The following TRPV1 variants were observed in gnomAD, a reference collection of about 807,000 sequenced individuals.
TRPV1 encodes the protein transient receptor potential cation channel subfamily V member 1, also known as OTRPC1.
In TRPV1, 82 loss-of-function variants were observed where a neutral mutation model predicts 82.3. The observed-to-expected ratio is 1.00, with a 90% confidence interval of 0.83 to 1.20. TRPV1 has a LOEUF of 1.20. TRPV1 is among the 50% of genes most tolerant of loss of function. The probability of loss-of-function intolerance (pLI) is 0.00; values close to 1 mark genes in which losing one functional copy is unlikely to be tolerated. For missense variants in TRPV1, 1,067 were observed against 1,096.8 expected, an observed-to-expected ratio of 0.97 and a Z score of 0.38; for synonymous variants, 515 against 467.7, an observed-to-expected ratio of 1.10 and a Z score of -1.30.
chr17:3,568,362 A>T (rs919152482), intron 16 of TRPV1, among the ~76,000 whole-genome samples: 9 of 152,040 alleles, frequency 5.9e-5, no homozygotes, highest in South Asian at 2.1e-4. Context: ...AACTACTCAA[A>T]TCACACGCAA....
At chr17:3,593,124 G>GTGTGTGTGTC (rs2075182860) in intron 2 of TRPV1, among the ~76,000 whole-genome samples, 1 of 89,592 alleles carries the variant, frequency 1.1e-5, no homozygotes, top group African/African-American at 1.0e-4. Context: ...GTGTGTGTGT[G>GTGTGTGTGTC]TGTGTGTGTG....
At chr17:3,577,321 C>G in intron 12 of TRPV1, 129 bp from the exon 13 acceptor site, 1 of 1,052,634 alleles carries the variant, frequency 9.5e-7, no homozygotes, top group Non-Finnish European at 1.4e-6. Context: ...TGGTTCTCAG[C>G]TCAGGGGTCA....
intron 10 of TRPV1, among the ~76,000 whole-genome samples, chr17:3,582,003 A>G (rs1373851884): frequency 6.8e-6 from 1 of 147,352 alleles, no homozygotes; most frequent in Admixed American, 6.9e-5. Flanking sequence ...ATCCTGGCTA[A>G]CACGGTGAAA....
At chr17:3,598,593 T>C (rs1230777200) in intron 2 of TRPV1, among the ~76,000 whole-genome samples, 1 of 144,318 alleles carries the variant, frequency 6.9e-6, no homozygotes, top group Non-Finnish European at 1.5e-5. Context: ...TTAGATGGTG[T>C]CTCGCTCTGT....
chr17:3,580,427 GGAC>G lies in TRPV1; in HGVS notation c.1547+27_1547+29del, dbSNP rs771713328. 224 of 1,613,298 alleles carry G rather than the reference GGAC, an allele frequency of 1.4e-4. 2 individuals carry two copies. The Middle Eastern group carries it at 1.7e-3, about 12-fold the overall frequency. On this transcript the variant is annotated intron_variant, in intron 11 of 16. Coordinates refer to ENST00000572705, the MANE Select transcript of TRPV1 (RefSeq NM_080704.4). ...AACTGATTGCGGTCACCTGGGGACT[GGAC>G]TGGGAATGAGTCAAAGTGTCACTTA...
intron 2 of TRPV1, chr17:3,602,060 T>C (rs1208498746): frequency 6.6e-6 from 1 of 152,210 alleles, no homozygotes; most frequent in Non-Finnish European, 1.5e-5. Flanking sequence ...ATATGCACTA[T>C]CTCATCAGAC....
chr17:3,567,586 C>A (rs966819581), intron 16 of TRPV1, among the ~76,000 whole-genome samples: 1 of 152,024 alleles, frequency 6.6e-6, no homozygotes, highest in Non-Finnish European at 1.5e-5. Context: ...TCGCCTGCCC[C>A]TCTCGGCCTC....
rs769339926 is a variant in TRPV1, at chr17:3,566,994, G to T, written c.2348-7C>A. The T allele has an allele frequency of 3.7e-6, 6 of 1,613,306 alleles. No homozygotes were observed. The African/African-American group carries it at 5.3e-5, about 14-fold the overall frequency. On this transcript the variant is annotated splice_polypyrimidine_tract_variant and splice_region_variant and intron_variant, in intron 16 of 16. Transcript: ENST00000572705. ...TTCCAGTGTCTGCCTGAAACTGAAGGGTAACACTATTACTACCTTGGATGC... is the reference window on the plus strand; with the variant it reads ...TTCCAGTGTCTGCCTGAAACTGAAGTGTAACACTATTACTACCTTGGATGC...
At chr17:3,576,677 A>ATATATATATATATG (rs1555549484) in intron 13 of TRPV1, among the ~76,000 whole-genome samples, 1,913 of 95,050 alleles carry the variant, frequency 0.02, 46 homozygotes, top group Admixed American at 0.028. Flanking sequence ...AAATATATAT[A>ATATATATATATATG]TATATATATA....
chr17:3,581,998 G>A (rs1000738841), intron 10 of TRPV1, among the ~76,000 whole-genome samples: 2 of 146,892 alleles, frequency 1.4e-5, no homozygotes, highest in African/African-American at 5.0e-5. Flanking sequence ...AGACCATCCT[G>A]GCTAACACGG....
chr17:3,600,096 C>T (rs2075250155), intron 2 of TRPV1, among the ~76,000 whole-genome samples: 1 of 152,186 alleles, frequency 6.6e-6, no homozygotes, highest in South Asian at 2.1e-4. Context: ...GCTTTCCATT[C>T]TTTTGGGCAC....
At position 3,573,817 on chromosome 17, in the gene TRPV1, T is replaced by C; in HGVS notation, c.1919A>G (p.Lys640Arg). Reference sequence around the variant, plus strand: ...CAGGTCGCCCATGCCGATGGTGAACTTGAACAGCTCCAGGCAGGTGGAGTA... The same window carrying C: ...CAGGTCGCCCATGCCGATGGTGAACCTGAACAGCTCCAGGCAGGTGGAGTA... ...SLYSTCLELF[K>R]FTIGMGDLEF... Residue 640 changes from lysine (K) to arginine (R), a missense_variant, in exon 14 of 17, where the codon AAG (lysine) becomes AGG (arginine). By Grantham distance (26) the Lys-to-Arg change is conservative. Coordinates refer to ENST00000572705, the MANE Select transcript of TRPV1 (RefSeq NM_080704.4). 6.2e-7 allele frequency: 1 copy of C among 1,613,854 alleles called. No individual in the cohort carries two copies. Among genetic ancestry groups the C allele is most frequent in the Middle Eastern group, 1.6e-4 (1 of 6,062 alleles).
chr17:3,585,730 C>CA (rs1415220486), intron 9 of TRPV1, 38 bp downstream of exon 9: 1 of 1,596,994 alleles, frequency 6.3e-7, no homozygotes, highest in Non-Finnish European at 8.5e-7. Flanking sequence ...CCCCACCACC[C>CA]ACACCCTCGC....
chr17:3,580,491 T>C lies in TRPV1; in HGVS notation c.1513A>G (p.Thr505Ala), dbSNP rs17633288. 4.0e-3 allele frequency: 6,504 copies of C among 1,613,960 alleles called. 28 individuals are homozygous for C. The highest frequency in any genetic ancestry group is 0.012 in the Middle Eastern group (71 of 6,062). Reference protein sequence around the residue: ...YFLQRRPSMKTLFVDSYSEML... With the variant: ...YFLQRRPSMKALFVDSYSEML... ...TCACTGTAGCTGTCCACAAACAGGG[T>C]CTTCATCGACGGCCGCCTCTGCAGG... is the stretch of plus-strand genomic sequence containing the variant. The change falls in exon 11 of 17, where the codon ACC becomes GCC. Residue 505 changes from threonine to alanine, a missense_variant. Thr to Ala is a moderately conservative substitution (Grantham distance 58, BLOSUM62 0). Transcript: ENST00000572705.
At chr17:3,572,350 C>T (rs554461181) in intron 14 of TRPV1, 101 bp from the exon 15 acceptor site, 3 of 1,424,956 alleles carry the variant, frequency 2.1e-6, no homozygotes, top group Non-Finnish European at 2.8e-6. Context: ...TCTCCCAGGC[C>T]TAGATGCCTC....
chr17:3,566,965 G>C lies in TRPV1; in HGVS notation c.2370C>G (p.Asn790Lys), dbSNP rs1567654633. The part of the protein sequence containing the change: ...SSRVSGRHWK[N>K]FALVPLLREA... The stretch of plus-strand genomic sequence containing the variant: ...CTCTTAAAAGGGGGACCAGGGCAAA[G>C]TTCTTCCAGTGTCTGCCTGAAACTG... Residue 790 changes from asparagine (N) to lysine (K), a missense_variant, in exon 17 of 17, where the codon AAC becomes AAG. Physicochemically the swap from Asn to Lys is moderately conservative, Grantham distance 94. Transcript: ENST00000572705. 2 of 1,613,902 alleles carry C rather than the reference G, an allele frequency of 1.2e-6. No homozygotes were observed. The highest frequency in any genetic ancestry group is 1.7e-6 in the Non-Finnish European group (2 of 1,179,860).
At chr17:3,573,437 G>A (rs1252705301) in intron 14 of TRPV1, among the ~76,000 whole-genome samples, 196 bp downstream of exon 14, 3 of 152,166 alleles carry the variant, frequency 2.0e-5, no homozygotes, top group Admixed American at 1.3e-4. Flanking sequence ...GGGCCTGGCC[G>A]GGCTTTCTGC....
chr17:3,592,066 C>A lies in TRPV1; in HGVS notation c.284+1G>T. 3 of 1,609,982 alleles carry A rather than the reference C, an allele frequency of 1.9e-6. No homozygotes were observed. The highest frequency in any genetic ancestry group is 4.5e-5 in the East Asian group (2 of 44,796). ...GAGGGGGGCTCCAGACGCGGACTTA[C>A]CTGGCACCGGTGGGGCCGTCTCCTG... On this transcript the variant is annotated splice_donor_variant, in intron 3 of 16. Transcript: ENST00000572705. LOFTEE classifies it high-confidence loss of function.
intron 9 of TRPV1, chr17:3,585,464 TA>T: frequency 3.2e-6 from 1 of 309,284 alleles, no homozygotes. Context: ...GCATGCTTTC[TA>T]ACCGAGTACA....
Sources: gnomAD v4.1 joint callset for allele counts (sites outside exome capture counted in the v4.1 genomes callset) on GRCh38, gnomAD v4.1.1 for gene constraint, MANE v1.5 for transcripts, NCBI Gene and HGNC (gene_info 2026-07-23, HGNC 2026-07-21) for gene names.